The following SYN2 variants were observed in gnomAD, a reference collection of about 807,000 sequenced individuals.
SYN2 encodes synapsin II.
SYN2 carries 19 observed loss-of-function variants against 50.9 expected under a neutral mutation model. That is an observed-to-expected ratio of 0.37 (90% CI 0.26 to 0.55). SYN2 has a LOEUF of 0.55. Ranked by LOEUF, SYN2 falls within the 20% of genes least tolerant of loss-of-function variation. SYN2 has a pLI of 0.81. For missense variants in SYN2, 587 were observed against 576.4 expected (o/e 1.02, Z -0.19); for synonymous variants, 255 against 224.9 (o/e 1.13, Z -1.20).
In SYN2 at chr3:12,004,601, A is replaced by G. The variant is rs746069239; in HGVS notation, c.50A>G (p.Asn17Ser). The change falls in exon 1 of 13, where the codon AAC becomes AGC. Residue 17 changes from asparagine to serine, a missense_variant. Physicochemically the swap from Asn to Ser is conservative, Grantham distance 46 (BLOSUM62 1). Transcript: ENST00000621198. ...RRLSDSSFIA[N>S]LPNGYMTDLQ... is the part of the protein sequence containing the mutation. ...CTGTCGGACAGCAGCTTCATCGCCA[A>G]CCTGCCCAACGGCTACATGACCGAC... is the stretch of plus-strand genomic sequence containing the variant. The G allele has an allele frequency of 3.0e-6, 2 of 658,388 alleles. No homozygotes were observed. The highest frequency in any genetic ancestry group is 1.6e-5 in the South Asian group (1 of 62,344). The allele number at this position is 658,388 out of a possible 1,614,324, so 40.8% of individuals were successfully genotyped here.
At chr3:12,145,166 C>T (rs1697118783) in intron 3 of SYN2, among the ~76,000 whole-genome samples, 1 of 152,218 alleles carries the variant, frequency 6.6e-6, no homozygotes, top group Admixed American at 6.5e-5. Context: ...CTTTGGGTGA[C>T]TGACGTAGGA....
At chr3:12,171,144 T>C (rs1574883446) in intron 10 of SYN2, among the ~76,000 whole-genome samples, 1 of 152,222 alleles carries the variant, frequency 6.6e-6, no homozygotes, top group Non-Finnish European at 1.5e-5. Flanking sequence ...TTAGCTCTTA[T>C]GAGTGTTTTA....
intron 1 of SYN2, among the ~76,000 whole-genome samples, chr3:12,006,474 C>T (rs542242133): frequency 6.6e-6 from 1 of 152,286 alleles, no homozygotes; most frequent in Non-Finnish European, 1.5e-5. Flanking sequence ...TAAAGGTGCT[C>T]AGTCAGAGCA....
intron 1 of SYN2, among the ~76,000 whole-genome samples, chr3:12,026,331 C>T (rs1694256281): frequency 6.6e-6 from 1 of 152,012 alleles, no homozygotes; most frequent in African/African-American, 2.4e-5. Context: ...ATGATCTCTA[C>T]TAAGGGCCCT....
At chr3:12,009,236 A>C (rs1693866239) in intron 1 of SYN2, among the ~76,000 whole-genome samples, 1 of 152,180 alleles carries the variant, frequency 6.6e-6, no homozygotes, top group African/African-American at 2.4e-5. Context: ...AAATGGGGAA[A>C]TCTCGATCTC....
chr3:12,062,867 G>A (rs958360374), intron 1 of SYN2, among the ~76,000 whole-genome samples: 1 of 151,924 alleles, frequency 6.6e-6, no homozygotes, highest in Non-Finnish European at 1.5e-5. Context: ...GGTAAACTAT[G>A]GAACATCCAG....
chr3:12,044,114 T>C (rs1307400804), intron 1 of SYN2, among the ~76,000 whole-genome samples: 11 of 151,664 alleles, frequency 7.3e-5, no homozygotes, highest in African/African-American at 2.7e-4. Context: ...CTCTTCTCCT[T>C]CTTCCCCACT....
intron 4 of SYN2, among the ~76,000 whole-genome samples, chr3:12,150,955 A>G (rs1282209789): frequency 2.6e-5 from 4 of 152,198 alleles, no homozygotes; most frequent in Non-Finnish European, 5.9e-5. Context: ...TCTGGGCCCC[A>G]TATGTAAAAT....
At chr3:12,033,155 G>A (rs1574898807) in intron 1 of SYN2, among the ~76,000 whole-genome samples, 1 of 151,908 alleles carries the variant, frequency 6.6e-6, no homozygotes, top group South Asian at 2.1e-4. Context: ...AGGTGTCAGT[G>A]TGCCCCTGCT....
intron 1 of SYN2, among the ~76,000 whole-genome samples, chr3:12,118,981 A>T (rs1294618978): frequency 3.3e-5 from 5 of 152,216 alleles, no homozygotes; most frequent in African/African-American, 1.2e-4. Flanking sequence ...AATCTTAGAA[A>T]TTGGGCACGT....
At chr3:12,013,093 C>T (rs1574885572) in intron 1 of SYN2, among the ~76,000 whole-genome samples, 2 of 152,140 alleles carry the variant, frequency 1.3e-5, no homozygotes, top group South Asian at 2.1e-4. Flanking sequence ...CTTTGGAAGT[C>T]GCTTGGCTTC....
At position 12,124,176 on chromosome 3, in the gene SYN2, A is replaced by G. The variant is rs1237140061; in HGVS notation, c.378-16475A>G. Among the ~76,000 whole-genome samples, 3 of 152,212 alleles carry G rather than the reference A, an allele frequency of 2.0e-5. No individual in the cohort carries two copies. The East Asian group carries it at 5.8e-4, about 29-fold the overall frequency. On this transcript the variant is annotated intron_variant, in intron 1 of 12. Coordinates refer to ENST00000621198, the MANE Select transcript of SYN2 (RefSeq NM_133625.6). The stretch of plus-strand genomic sequence containing the variant: ...TGTTGGTAAACCTATGGGTAAATCT[A>G]AAGCAAAACAAAATAAAAATAGAAA...
intron 1 of SYN2, among the ~76,000 whole-genome samples, chr3:12,137,498 C>G (rs1255727294): frequency 6.6e-6 from 1 of 152,176 alleles, no homozygotes; most frequent in East Asian, 1.9e-4. Context: ...TAAATGTAAG[C>G]CATTGTAGCA....
chr3:12,123,220 A>G (rs1696599665), intron 1 of SYN2, among the ~76,000 whole-genome samples: 1 of 152,230 alleles, frequency 6.6e-6, no homozygotes, highest in Non-Finnish European at 1.5e-5. Flanking sequence ...CATAATTGAT[A>G]AAAGACATCA....
At position 12,145,779 on chromosome 3, in the gene SYN2, C is replaced by T. The variant is rs773476806; in HGVS notation, c.628C>T (p.Leu210Phe). The T allele has an allele frequency of 1.3e-5, 21 of 1,613,898 alleles. No homozygotes were observed. The African/African-American group carries it at 2.3e-4, about 17-fold the overall frequency. ...HLIIGMQYAGLPSINSLESIY... is the reference protein window; with the variant it reads ...HLIIGMQYAGFPSINSLESIY... The stretch of plus-strand genomic sequence containing the variant: ...GATCATTGGTATGCAGTATGCAGGC[C>T]TCCCCAGCATCAACTCACTGGAATC... The change falls in exon 4 of 13, where the codon CTC becomes TTC. Residue 210 changes from leucine (L) to phenylalanine (F), a missense_variant. Coordinates refer to ENST00000621198, the MANE Select transcript of SYN2 (RefSeq NM_133625.6).
At chr3:12,072,922 T>TAAAGGCTAG (rs1449653831) in intron 1 of SYN2, among the ~76,000 whole-genome samples, 2 of 152,222 alleles carry the variant, frequency 1.3e-5, no homozygotes, top group African/African-American at 4.8e-5. Flanking sequence ...GACAGAGCAC[T>TAAAGGCTAG]AAAGGCTAGT....
In SYN2 at chr3:12,187,364, C is replaced by A. The variant is rs1364947336; in HGVS notation, c.1370-5C>A. On this transcript the variant is annotated splice_polypyrimidine_tract_variant and splice_region_variant and intron_variant, in intron 11 of 12. Transcript: ENST00000621198. ...ATTATGAAGTTTTTCTTGTACTGAA[C>A]CTAGGGGGCCCTGGGCAACCCCAAG... The A allele has an allele frequency of 6.5e-7, 1 of 1,536,974 alleles. No homozygotes were observed. Among genetic ancestry groups the A allele is most frequent in the Non-Finnish European group, 8.8e-7 (1 of 1,136,302 alleles).
intron 1 of SYN2, among the ~76,000 whole-genome samples, chr3:12,120,717 A>G (rs1478305272): frequency 6.6e-6 from 1 of 152,048 alleles, no homozygotes; most frequent in African/African-American, 2.4e-5. Context: ...ATACATCTCA[A>G]CCTCTATCCT....
At chr3:12,149,105 A>G (rs767822410) in intron 4 of SYN2, among the ~76,000 whole-genome samples, 8 of 152,216 alleles carry the variant, frequency 5.3e-5, no homozygotes, top group Non-Finnish European at 7.4e-5. Context: ...ACTGGCTGCC[A>G]TTATTGTGTT....
Sources: allele counts gnomAD v4.1 joint callset (sites outside exome capture counted in the v4.1 genomes callset), GRCh38; gene constraint gnomAD v4.1.1; transcripts MANE v1.5; gene names NCBI Gene and HGNC (gene_info 2026-07-23, HGNC 2026-07-21).